TVP23A: variants seen among roughly 807,000 people sequenced by gnomAD.
The protein encoded by TVP23A is trans-golgi network vesicle protein 23 homolog A.
TVP23A carries 21 observed loss-of-function variants against 31.7 expected under a neutral mutation model. The observed-to-expected ratio is 0.66, with a 90% CI of 0.47 to 0.95. TVP23A has a LOEUF of 0.95. Ranked by LOEUF, TVP23A falls within the 40% of genes least tolerant of loss-of-function variation. The probability of loss-of-function intolerance (pLI) is 0.00; values close to 1 mark genes in which losing one functional copy is unlikely to be tolerated. For synonymous variants in TVP23A, 104 were observed against 96.0 expected (o/e 1.08, Z -0.49); for missense variants, 279 against 255.6 (o/e 1.09, Z -0.62).
intron 2 of TVP23A, among the ~76,000 whole-genome samples, chr16:10,814,676 G>C (rs2034357820): frequency 6.6e-6 from 1 of 152,164 alleles, no homozygotes; most frequent in Non-Finnish European, 1.5e-5. Context: ...AGCCACATGT[G>C]GCTATTTACA....
intron 2 of TVP23A, among the ~76,000 whole-genome samples, chr16:10,792,768 T>C (rs1459943098): frequency 1.3e-5 from 2 of 152,242 alleles, no homozygotes; most frequent in African/African-American, 4.8e-5. Flanking sequence ...TGAAACGGGC[T>C]TCTTAATTCA....
intron 2 of TVP23A, among the ~76,000 whole-genome samples, chr16:10,815,946 G>A (rs2034417054): frequency 6.8e-6 from 1 of 147,492 alleles, no homozygotes; most frequent in African/African-American, 2.7e-5. Flanking sequence ...TCCTGGATGG[G>A]TGCAGTGGCT....
chr16:10,810,961 T>G (rs140156885), intron 2 of TVP23A, among the ~76,000 whole-genome samples: 99 of 152,338 alleles, frequency 6.5e-4, no homozygotes, highest in South Asian at 2.9e-3. Context: ...TCTTTCTCCA[T>G]ACTTACAGAT....
chr16:10,814,507 C>T (rs2034346345), intron 2 of TVP23A, among the ~76,000 whole-genome samples: 1 of 152,242 alleles, frequency 6.6e-6, no homozygotes, highest in East Asian at 1.9e-4. Flanking sequence ...CCGATTCTAC[C>T]TCCCCTGTGC....
rs1345620724 is a variant in TVP23A at position 10,777,208 on chromosome 16, CACCAGGCAGCTGTGCAA to C, written c.90-2129_90-2113del. 6.6e-6 allele frequency among the ~76,000 whole-genome samples: 1 copy of C among 152,128 alleles called. No individual in the cohort carries two copies. The highest frequency in any genetic ancestry group is 1.9e-4 in the East Asian group (1 of 5,196). Reference sequence around the variant, plus strand: ...GAGGGATGAAAGGGACTCTTCCCAGCACCAGGCAGCTGTGCAAACCAGACCCAGTACTGCCAGAGCCA... The same window carrying C: ...GAGGGATGAAAGGGACTCTTCCCAGCACCAGACCCAGTACTGCCAGAGCCA... On this transcript the variant is annotated intron_variant, in intron 2 of 7. Coordinates refer to ENST00000299866, the MANE Select transcript of TVP23A (RefSeq NM_001079512.4). The surrounding 1 kb of genome is among the most constrained non-coding windows in gnomAD (Gnocchi z 4.5).
chr16:10,762,627 G>C (rs1251262992), downstream of TVP23A, among the ~76,000 whole-genome samples: 2 of 152,260 alleles, frequency 1.3e-5, no homozygotes, highest in South Asian at 2.1e-4. Flanking sequence ...TTAGGTCTGA[G>C]GGGAGAACAG....
At chr16:10,803,866 A>G (rs983562213) in intron 2 of TVP23A, among the ~76,000 whole-genome samples, 3 of 152,306 alleles carry the variant, frequency 2.0e-5, no homozygotes, top group African/African-American at 7.2e-5. Flanking sequence ...TTTTTGGGGT[A>G]ATGAAAATGT....
chr16:10,818,482 T>C lies in TVP23A; in HGVS notation c.9+3A>G, dbSNP rs760503301. 5 of 1,605,134 alleles carry C rather than the reference T, an allele frequency of 3.1e-6. No homozygotes were observed. Among genetic ancestry groups the C allele is most frequent in the Non-Finnish European group, 4.2e-6 (5 of 1,178,778 alleles). ...TCCAGCCCCAGCATCCCCGAGGCCC[T>C]ACCTGCTTCATCACCCTCCCAGGAG... On this transcript the variant is annotated splice_donor_region_variant and intron_variant, in intron 1 of 7. Coordinates refer to ENST00000299866, the MANE Select transcript of TVP23A (RefSeq NM_001079512.4). This position sits in a 1 kb window ranked among gnomAD's most constrained non-coding sequence, Gnocchi z 4.7.
chr16:10,784,106 G>C (rs1410225587), intron 2 of TVP23A, among the ~76,000 whole-genome samples: 2 of 152,040 alleles, frequency 1.3e-5, no homozygotes, highest in African/African-American at 4.8e-5. Flanking sequence ...AGGCCTAGGG[G>C]GCAGATAGCT....
chr16:10,774,154 G>C (rs181916057), intron 3 of TVP23A, 26 bp from the exon 4 acceptor site: 1 of 1,570,852 alleles, frequency 6.4e-7, no homozygotes, highest in African/African-American at 1.3e-5. Flanking sequence ...AAAGGACTCT[G>C]AGCAGGTCAC....
chr16:10,780,307 A>G (rs776673800), intron 2 of TVP23A, among the ~76,000 whole-genome samples: 1 of 152,000 alleles, frequency 6.6e-6, no homozygotes, highest in Admixed American at 6.6e-5. Flanking sequence ...GACCCCTAAT[A>G]AACTTGTTTG....
At chr16:10,812,556 T>C (rs542278325) in intron 2 of TVP23A, among the ~76,000 whole-genome samples, 3 of 152,346 alleles carry the variant, frequency 2.0e-5, no homozygotes, top group Admixed American at 6.5e-5. Flanking sequence ...ATCATGGAAC[T>C]ATTATCCAGC....
At chr16:10,766,388 T>C (rs1201858956), downstream of TVP23A, among the ~76,000 whole-genome samples, 1 of 151,926 alleles carries the variant, frequency 6.6e-6, no homozygotes. The surrounding 1 kb of genome is among the most constrained non-coding windows in gnomAD (Gnocchi z 4.8). Context: ...CTTGGAGAGG[T>C]GGGAGCCCAG....
intron 2 of TVP23A, among the ~76,000 whole-genome samples, chr16:10,797,775 G>C (rs574974905): frequency 1.3e-4 from 20 of 151,996 alleles, no homozygotes; most frequent in African/African-American, 4.6e-4. Flanking sequence ...TATTTGAATT[G>C]ATGTGATCTC....
chr16:10,813,304 G>C (rs2034284802), intron 2 of TVP23A, among the ~76,000 whole-genome samples: 1 of 152,252 alleles, frequency 6.6e-6, no homozygotes, highest in African/African-American at 2.4e-5. Flanking sequence ...GATAAAGGAA[G>C]AGATGAACCC....
In TVP23A at chr16:10,818,023, A is replaced by G. The variant is rs2034515326; in HGVS notation, c.89+80T>C. The G allele has an allele frequency of 2.4e-6, 3 of 1,244,640 alleles. No homozygotes were observed. The highest frequency in any genetic ancestry group is 2.3e-6 in the Non-Finnish European group (2 of 867,008). The allele number at this position is 1,244,640 out of a possible 1,614,324, so 77.1% of individuals were successfully genotyped here. A position where few individuals can be genotyped will look rare whatever the true frequency, so the allele number is the denominator to read the frequency against. ...ACCTGGCACACAGTAGGTGCTCAAT[A>G]TATTTTGAATGAATGAGTGAGTAAA... On this transcript the variant is annotated intron_variant, in intron 2 of 7. Transcript: ENST00000299866. This position sits in a 1 kb window ranked among gnomAD's most constrained non-coding sequence, Gnocchi z 4.7.
intron 2 of TVP23A, among the ~76,000 whole-genome samples, chr16:10,817,829 T>G (rs2143012759): frequency 6.6e-6 from 1 of 152,302 alleles, no homozygotes; most frequent in African/African-American, 2.4e-5. Flanking sequence ...CTTCTCTAGT[T>G]ACCTTCTCTT....
intron 2 of TVP23A, among the ~76,000 whole-genome samples, chr16:10,792,448 C>T (rs112993666): frequency 3.9e-5 from 6 of 152,140 alleles, no homozygotes; most frequent in Admixed American, 1.3e-4. Flanking sequence ...CTGGGAGTTA[C>T]GAAATGCAGG....
At chr16:10,785,538 G>T (rs1567291803) in intron 2 of TVP23A, among the ~76,000 whole-genome samples, 1 of 152,248 alleles carries the variant, frequency 6.6e-6, no homozygotes, top group South Asian at 2.1e-4. Flanking sequence ...TGATTTGGGG[G>T]TGTAAACCCT....
Sources: allele counts gnomAD v4.1 joint callset (sites outside exome capture counted in the v4.1 genomes callset), GRCh38; gene constraint gnomAD v4.1.1; non-coding constraint Gnocchi (gnomAD v3.1); transcripts MANE v1.5; gene names NCBI Gene and HGNC (gene_info 2026-07-23, HGNC 2026-07-21).